Variants in ATF7IP observed in about 807,000 individuals in gnomAD.
ATF7IP encodes activating transcription factor 7 interacting protein.
A neutral mutation model predicts 106.4 loss-of-function variants in ATF7IP; 23 were observed. The observed-to-expected ratio is 0.22, with a 90% confidence interval of 0.16 to 0.31. The LOEUF is 0.31. Among genes scored for constraint, ATF7IP ranks in the 10% least tolerant of loss-of-function variants. The probability of loss-of-function intolerance (pLI) is 1.00; values close to 1 mark genes in which losing one functional copy is unlikely to be tolerated. For synonymous variants in ATF7IP, 542 were observed against 539.0 expected, an observed-to-expected ratio of 1.01 and a Z score of -0.08; for missense variants, 1,334 against 1,524.3, an observed-to-expected ratio of 0.88 and a Z score of 2.08.
chr12:14,494,516 C>CTA (rs892143162), intron 13 of ATF7IP, among the ~76,000 whole-genome samples: 1 of 144,806 alleles, frequency 6.9e-6, no homozygotes, highest in African/African-American at 2.5e-5. Context: ...TTATATCCTA[C>CTA]TATATATATA....
At chr12:14,413,595 T>C (rs1244364873) in intron 1 of ATF7IP, among the ~76,000 whole-genome samples, 1 of 152,214 alleles carries the variant, frequency 6.6e-6, no homozygotes, top group East Asian at 1.9e-4. Flanking sequence ...ATTTGTGTAA[T>C]TATTGATAGT....
At chr12:14,388,335 C>T (rs1042729785) in intron 1 of ATF7IP, among the ~76,000 whole-genome samples, 3 of 151,586 alleles carry the variant, frequency 2.0e-5, no homozygotes, top group African/African-American at 7.3e-5. Flanking sequence ...CAGGCGTGAG[C>T]CACTGTGCCC....
At chr12:14,377,604 C>T (rs893810957) in intron 1 of ATF7IP, among the ~76,000 whole-genome samples, 1 of 151,380 alleles carries the variant, frequency 6.6e-6, no homozygotes, top group Admixed American at 6.6e-5. Context: ...AGCCACCGCG[C>T]CCGGCCTTTC....
chr12:14,412,040 C>A (rs1490327306), intron 1 of ATF7IP, among the ~76,000 whole-genome samples: 1 of 152,130 alleles, frequency 6.6e-6, no homozygotes, highest in Non-Finnish European at 1.5e-5. Flanking sequence ...GTTCAAAATA[C>A]TATTCTTTCC....
chr12:14,409,845 C>T (rs1273886908), intron 1 of ATF7IP, among the ~76,000 whole-genome samples: 1 of 152,012 alleles, frequency 6.6e-6, no homozygotes, highest in Admixed American at 6.6e-5. Flanking sequence ...AAGTGTGACC[C>T]AGTAAAGGGG....
At chr12:14,459,369 A>G (rs1460314189) in intron 8 of ATF7IP, among the ~76,000 whole-genome samples, 1 of 152,162 alleles carries the variant, frequency 6.6e-6, no homozygotes, top group African/African-American at 2.4e-5. Context: ...TAAGAAAAGA[A>G]CCCCTATTCA....
chr12:14,490,349 C>T (rs1944771485), intron 13 of ATF7IP, among the ~76,000 whole-genome samples: 1 of 152,184 alleles, frequency 6.6e-6, no homozygotes, highest in African/African-American at 2.4e-5. Context: ...GGTCCATGCC[C>T]AGAGCTCTTC....
intron 13 of ATF7IP, among the ~76,000 whole-genome samples, chr12:14,488,628 G>A (rs1447665939): frequency 6.6e-6 from 1 of 152,136 alleles, no homozygotes; most frequent in East Asian, 1.9e-4. Flanking sequence ...CCAATCAAGT[G>A]ACATTTAGTA....
In ATF7IP at chr12:14,450,011, G is replaced by A. The variant is rs963804425; in HGVS notation, c.1995+2958G>A. On this transcript the variant is annotated intron_variant, in intron 6 of 14. Coordinates refer to ENST00000261168, the MANE Select transcript of ATF7IP (RefSeq NM_018179.5). ...TTTTATAGTTTATAGATATGCAACT[G>A]ATTTTTGCAGGTTGATTTTGTATCC... 5.9e-5 allele frequency among the ~76,000 whole-genome samples: 9 copies of A among 152,100 alleles called. No individual in the cohort carries two copies. The East Asian group carries it at 1.7e-3, about 29-fold the overall frequency.
chr12:14,493,681 A>G (rs987394558), intron 13 of ATF7IP, among the ~76,000 whole-genome samples: 4 of 152,232 alleles, frequency 2.6e-5, no homozygotes, highest in East Asian at 1.9e-4. Context: ...TCAGGGTCCC[A>G]TTCTTTTCCA....
At chr12:14,492,008 A>G (rs1393857224) in intron 13 of ATF7IP, among the ~76,000 whole-genome samples, 1 of 152,160 alleles carries the variant, frequency 6.6e-6, no homozygotes, top group African/African-American at 2.4e-5. Flanking sequence ...TTGATTTACT[A>G]CTTTTTAGAG....
rs924699045 is a variant in ATF7IP, at chr12:14,499,609, A to G, written c.*1536A>G. The G allele has an allele frequency of 5.9e-5, 9 of 152,064 alleles. No individual in the cohort carries two copies. The highest frequency in any genetic ancestry group is 2.2e-4 in the African/African-American group (9 of 41,408). The allele number at this position is 152,064 out of a possible 1,614,324, so 9.4% of individuals were successfully genotyped here. On this transcript the variant is annotated 3_prime_UTR_variant, in exon 15 of 15. Coordinates refer to ENST00000261168, the MANE Select transcript of ATF7IP (RefSeq NM_018179.5). ...ATTTTAACCTTTTAACTTTGTTTTG[A>G]TGGTGCCAAGTTGAGTCTGATGTAC...
chr12:14,443,573 T>C (rs1448002246), intron 5 of ATF7IP, among the ~76,000 whole-genome samples: 1 of 152,154 alleles, frequency 6.6e-6, no homozygotes, highest in Admixed American at 6.5e-5. Flanking sequence ...AGGAGGTAAA[T>C]ACCTTGAATC....
chr12:14,376,052 C>T lies in ATF7IP; in HGVS notation c.-8+10225C>T, dbSNP rs114944545. On this transcript the variant is annotated intron_variant, in intron 1 of 14. Transcript: ENST00000261168. The stretch of plus-strand genomic sequence containing the variant: ...TAGGACTGACTCATTAAAAAACAAA[C>T]GGGTATTTAAAGGAAAAAACGCCAC... 3.5e-3 allele frequency among the ~76,000 whole-genome samples: 537 copies of T among 152,180 alleles called. 9 individuals carry two copies. The highest frequency in any genetic ancestry group is 0.012 in the African/African-American group (515 of 41,522).
intron 12 of ATF7IP, 68 bp downstream of exon 12, chr12:14,478,540 A>C: frequency 8.4e-6 from 13 of 1,544,250 alleles, no homozygotes; most frequent in Non-Finnish European, 1.1e-5. Context: ...TATGGAGTTA[A>C]GTGGAAAGAT....
intron 6 of ATF7IP, among the ~76,000 whole-genome samples, chr12:14,455,190 A>G (rs1335383613): frequency 6.6e-6 from 1 of 152,040 alleles, no homozygotes; most frequent in Non-Finnish European, 1.5e-5. Context: ...CTCAAAAAAA[A>G]AAAAAAAAAA....
At chr12:14,369,434 A>G (rs949969739) in intron 1 of ATF7IP, 1 of 152,150 alleles carries the variant, frequency 6.6e-6, no homozygotes, top group Non-Finnish European at 1.5e-5. Context: ...GGCTCACTGT[A>G]ACCTCTTCTT....
intron 8 of ATF7IP, among the ~76,000 whole-genome samples, chr12:14,458,855 C>T (rs909029870): frequency 6.6e-6 from 1 of 151,886 alleles, no homozygotes; most frequent in Admixed American, 6.6e-5. Context: ...CTCTATCTTG[C>T]ACTTGGATGG....
At chr12:14,388,839 C>T (rs944580334) in intron 1 of ATF7IP, among the ~76,000 whole-genome samples, 5 of 152,086 alleles carry the variant, frequency 3.3e-5, no homozygotes, top group Non-Finnish European at 7.4e-5. Context: ...GGGGTTTTAT[C>T]ATGTTGGCCA....
Sources: allele counts gnomAD v4.1 joint callset (sites outside exome capture counted in the v4.1 genomes callset), GRCh38; gene constraint gnomAD v4.1.1; transcripts MANE v1.5; gene names NCBI Gene and HGNC (gene_info 2026-07-23, HGNC 2026-07-21).